The following DSCAM variants were observed in gnomAD, a reference collection of about 807,000 sequenced individuals.
DSCAM encodes DS cell adhesion molecule.
DSCAM carries 47 observed loss-of-function variants against 217.7 expected under a neutral mutation model. That is an observed-to-expected ratio of 0.22 (90% CI 0.17 to 0.28). The LOEUF (loss-of-function observed/expected upper bound fraction) is 0.28. Among genes scored for constraint, DSCAM ranks in the 10% least tolerant of loss-of-function variants. The pLI is 1.00. For missense variants in DSCAM, 2,080 were observed against 2,618.3 expected (o/e 0.79, Z 4.49); for synonymous variants, 1,056 against 1,015.3 (o/e 1.04, Z -0.76).
At chr21:40,329,522 G>A (rs1044810415) in intron 8 of DSCAM, among the ~76,000 whole-genome samples, 16 of 152,006 alleles carry the variant, frequency 1.1e-4, no homozygotes, top group South Asian at 6.2e-4. Context: ...GCTGAGGCAG[G>A]AGAATCACTT....
chr21:40,091,646 G>C (rs1416541404), intron 21 of DSCAM, among the ~76,000 whole-genome samples: 1 of 152,056 alleles, frequency 6.6e-6, no homozygotes, highest in Admixed American at 6.5e-5. Context: ...TGCTAATAAA[G>C]GCATGCCTGA....
chr21:40,162,055 G>C (rs530426452), intron 16 of DSCAM, among the ~76,000 whole-genome samples: 1 of 152,284 alleles, frequency 6.6e-6, no homozygotes, highest in African/African-American at 2.4e-5. Flanking sequence ...GCAAGGAATA[G>C]TAAAGGGAGT....
chr21:40,699,594 C>A (rs2090633518), intron 2 of DSCAM, among the ~76,000 whole-genome samples: 1 of 152,114 alleles, frequency 6.6e-6, no homozygotes, highest in African/African-American at 2.4e-5. Flanking sequence ...GTGAAACTAC[C>A]TTACTGGTGG....
rs372026765 is a variant in DSCAM, at chr21:40,059,120, A to G, written c.4920-3280T>C. ...ATGACACAGAACATTCCTTAAATGT[A>G]CAATGACTATTGGACTATTAGGAGC... On this transcript the variant is annotated intron_variant, in intron 28 of 32. Coordinates refer to ENST00000400454, the MANE Select transcript of DSCAM (RefSeq NM_001389.5). Among the ~76,000 whole-genome samples, 11 of 152,364 alleles carry G rather than the reference A, an allele frequency of 7.2e-5. No individual in the cohort carries two copies. In the East Asian group the frequency reaches 1.7e-3, roughly 24 times the overall value.
In DSCAM at chr21:40,520,797, ACT is replaced by A. The variant is rs1053093037; in HGVS notation, c.509-151554_509-151553del. On this transcript the variant is annotated intron_variant, in intron 3 of 32. Coordinates refer to ENST00000400454, the MANE Select transcript of DSCAM (RefSeq NM_001389.5). ...ACTCCAGCCTGGGTGACAGAACAAG[ACT>A]CTCTCTCTCTAAAAATAAATAAATA... Among the ~76,000 whole-genome samples the A allele has an allele frequency of 4.6e-5, 7 of 151,962 alleles. No homozygotes were observed. The East Asian group carries it at 9.7e-4, about 21-fold the overall frequency.
intron 14 of DSCAM, among the ~76,000 whole-genome samples, chr21:40,184,761 G>C (rs1008212066): frequency 6.6e-6 from 1 of 152,154 alleles, no homozygotes; most frequent in Non-Finnish European, 1.5e-5. Flanking sequence ...CCAGGACACA[G>C]AGAACCAGAG....
At chr21:40,599,689 G>C (rs1193447884) in intron 3 of DSCAM, among the ~76,000 whole-genome samples, 2 of 152,020 alleles carry the variant, frequency 1.3e-5, no homozygotes, top group Admixed American at 1.3e-4. Context: ...TTTTGAAAAT[G>C]TTAACAAAAT....
intron 3 of DSCAM, among the ~76,000 whole-genome samples, chr21:40,534,544 C>T (rs2076480336): frequency 6.6e-6 from 1 of 152,130 alleles, no homozygotes; most frequent in African/African-American, 2.4e-5. Context: ...GACCTGGAGA[C>T]TCCACAGGCA....
intron 3 of DSCAM, among the ~76,000 whole-genome samples, chr21:40,375,993 A>C (rs1022509211): frequency 6.6e-6 from 1 of 152,216 alleles, no homozygotes; most frequent in Non-Finnish European, 1.5e-5. Flanking sequence ...CTGTGTGGTT[A>C]AGCTGTTAGA....
intron 24 of DSCAM, among the ~76,000 whole-genome samples, chr21:40,081,411 C>T (rs1197597902): frequency 6.6e-6 from 1 of 152,180 alleles, no homozygotes; most frequent in African/African-American, 2.4e-5. Flanking sequence ...GATCACTCAT[C>T]TCTGATGCCT....
rs2092097030 is a variant in DSCAM at position 40,841,037 on chromosome 21, G to C, written c.43+5582C>G. On this transcript the variant is annotated intron_variant, in intron 1 of 32. Transcript: ENST00000400454. The stretch of plus-strand genomic sequence containing the variant: ...ATGGAGGCTCCTGTCTAGCTAGTGA[G>C]AGAGGCAGTCACTAGCCAAATCAGC... 3.3e-5 allele frequency among the ~76,000 whole-genome samples: 5 copies of C among 152,344 alleles called. 1 individual carries two copies. The South Asian group carries it at 1.0e-3, about 32-fold the overall frequency.
intron 29 of DSCAM, among the ~76,000 whole-genome samples, chr21:40,052,623 GAGA>G (rs1384287493): frequency 6.6e-6 from 1 of 152,194 alleles, no homozygotes; most frequent in African/African-American, 2.4e-5. Flanking sequence ...GGAAATAAAA[GAGA>G]AGAAAACATG....
intron 3 of DSCAM, among the ~76,000 whole-genome samples, chr21:40,675,979 T>G (rs2090333326): frequency 6.6e-6 from 1 of 152,222 alleles, no homozygotes; most frequent in Non-Finnish European, 1.5e-5. Context: ...AGATCCAGAA[T>G]TTAAGATAGA....
At chr21:40,651,297 A>G (rs974966697) in intron 3 of DSCAM, among the ~76,000 whole-genome samples, 2 of 152,202 alleles carry the variant, frequency 1.3e-5, no homozygotes, top group Non-Finnish European at 2.9e-5. Context: ...CAGGCAAATT[A>G]CTGAGCACAA....
intron 32 of DSCAM, among the ~76,000 whole-genome samples, chr21:40,017,840 C>A (rs1232627159): frequency 1.3e-5 from 2 of 152,198 alleles, no homozygotes; most frequent in Non-Finnish European, 2.9e-5. Context: ...GCGTGAGCCA[C>A]CGCACCTGGC....
At chr21:40,813,808 G>A (rs567815000) in intron 1 of DSCAM, among the ~76,000 whole-genome samples, 39 of 151,686 alleles carry the variant, frequency 2.6e-4, no homozygotes, top group Admixed American at 1.3e-3. Flanking sequence ...CACCACACCC[G>A]GCTAATTTTT....
At chr21:40,198,514 CT>C (rs1457066520) in intron 11 of DSCAM, among the ~76,000 whole-genome samples, 1 of 152,210 alleles carries the variant, frequency 6.6e-6, no homozygotes, top group African/African-American at 2.4e-5. Context: ...CTTCAGTGAC[CT>C]GGAGACCCAC....
chr21:40,811,463 T>C (rs6517619), intron 1 of DSCAM, among the ~76,000 whole-genome samples: 134,843 of 152,228 alleles, frequency 0.89, 59,877 homozygotes, highest in South Asian at 0.91. Flanking sequence ...TACAAGTTCA[T>C]CAACATGAAT....
intron 16 of DSCAM, among the ~76,000 whole-genome samples, chr21:40,153,519 T>C (rs1229562399): frequency 8.6e-5 from 13 of 151,970 alleles, no homozygotes; most frequent in Non-Finnish European, 1.6e-4. Context: ...GACTCTGGGG[T>C]GAGGTATCCA....
Sources: allele counts gnomAD v4.1 joint callset (sites outside exome capture counted in the v4.1 genomes callset), GRCh38; gene constraint gnomAD v4.1.1; transcripts MANE v1.5; gene names NCBI Gene and HGNC (gene_info 2026-07-23, HGNC 2026-07-21).